The following ATXN1 variants were observed in gnomAD, a reference collection of about 807,000 sequenced individuals.
ATXN1 encodes the protein ataxin-1.
A neutral mutation model predicts 56.4 loss-of-function variants in ATXN1; 8 were observed. The observed-to-expected ratio is 0.14, with a 90% CI of 0.08 to 0.26. The LOEUF is 0.26. ATXN1 is among the 10% of genes least tolerant of loss of function. ATXN1 has a pLI of 1.00. For synonymous variants in ATXN1, 514 were observed against 494.6 expected (o/e 1.04, Z -0.52); for missense variants, 987 against 1,106.5 (o/e 0.89, Z 1.53).
chr6:16,684,055 G>C (rs1314275446), intron 2 of ATXN1, among the ~76,000 whole-genome samples: 6 of 152,126 alleles, frequency 3.9e-5, no homozygotes, highest in African/African-American at 1.4e-4. Context: ...AACAAATCCA[G>C]CCCATGATCA....
At chr6:16,701,543 T>C (rs763862853) in intron 2 of ATXN1, among the ~76,000 whole-genome samples, 12 of 152,224 alleles carry the variant, frequency 7.9e-5, no homozygotes, top group Non-Finnish European at 1.0e-4. Context: ...GGAAGTCAAA[T>C]TGTCCCTGTT....
rs1760840663 is a variant in ATXN1, at chr6:16,327,399, C to T, written c.912G>A (p.Glu304=). 1 of 1,613,706 alleles carries T rather than the reference C, an allele frequency of 6.2e-7. No homozygotes were observed. Among genetic ancestry groups the T allele is most frequent in the Non-Finnish European group, 8.5e-7 (1 of 1,179,982 alleles). ...GGCTGCTCTCAGCTTTCTTGGTGGC[C>T]TCCCGAGGGACAAAGTGGCTGCCGG... ...ADSGSHFVPR[E]ATKKAESSRL... The change falls in exon 7 of 8, where the codon GAG becomes GAA. Residue 304 remains glutamate (E), a synonymous_variant. Coordinates refer to ENST00000436367, the MANE Select transcript of ATXN1 (RefSeq NM_001128164.2).
intron 6 of ATXN1, among the ~76,000 whole-genome samples, chr6:16,402,204 T>C (rs1758587853): frequency 6.7e-6 from 1 of 148,412 alleles, no homozygotes; most frequent in Non-Finnish European, 1.5e-5. Flanking sequence ...TTGATCTATA[T>C]GGCTGGAAAA....
chr6:16,433,786 A>C (rs185060438), intron 6 of ATXN1, among the ~76,000 whole-genome samples: 1 of 152,248 alleles, frequency 6.6e-6, no homozygotes, highest in African/African-American at 2.4e-5. Flanking sequence ...CCAGAGTGAC[A>C]GTCTGCAGAC....
rs921574333 is a variant in ATXN1 at position 16,384,880 on chromosome 6, T to C, written c.-160-56410A>G. Reference sequence around the variant, plus strand: ...TTACACATTATCCAGTCTCAGGTAGTTCTCATAGCAATGTGAGAAGAGACT... The same window carrying C: ...TTACACATTATCCAGTCTCAGGTAGCTCTCATAGCAATGTGAGAAGAGACT... On this transcript the variant is annotated intron_variant, in intron 6 of 7. Transcript: ENST00000436367. 7.2e-5 allele frequency among the ~76,000 whole-genome samples: 11 copies of C among 152,236 alleles called. 1 individual carries two copies. Among genetic ancestry groups the C allele is most frequent in the Admixed American group, 6.5e-4 (10 of 15,284 alleles).
intron 6 of ATXN1, among the ~76,000 whole-genome samples, chr6:16,390,572 T>C (rs1581731048): frequency 1.3e-5 from 2 of 152,124 alleles, no homozygotes; most frequent in East Asian, 3.9e-4. Flanking sequence ...CTACCTCCAT[T>C]TGGCTTATCT....
chr6:16,564,006 G>A (rs925633131), intron 4 of ATXN1, among the ~76,000 whole-genome samples: 1 of 152,164 alleles, frequency 6.6e-6, no homozygotes, highest in African/African-American at 2.4e-5. Flanking sequence ...TCATGAGGGA[G>A]TCAACAGACA....
intron 6 of ATXN1, among the ~76,000 whole-genome samples, chr6:16,365,471 G>A (rs555279276): frequency 2.6e-4 from 40 of 152,292 alleles, no homozygotes; most frequent in Admixed American, 6.5e-4. Flanking sequence ...GAGCCACTGC[G>A]CCTGGCCGAA....
chr6:16,697,442 ACT>A, intron 2 of ATXN1, among the ~76,000 whole-genome samples: 1 of 149,200 alleles, frequency 6.7e-6, no homozygotes, highest in East Asian at 2.0e-4. Context: ...TTTTAACAGC[ACT>A]CTTTTTTTTT....
intron 4 of ATXN1, among the ~76,000 whole-genome samples, chr6:16,571,036 G>C (rs1762322914): frequency 6.6e-6 from 1 of 152,088 alleles, no homozygotes; most frequent in Non-Finnish European, 1.5e-5. Context: ...AATCCTTATG[G>C]AGCTCTGTTG....
At chr6:16,606,585 G>T (rs1048550461) in intron 3 of ATXN1, among the ~76,000 whole-genome samples, 8 of 151,546 alleles carry the variant, frequency 5.3e-5, no homozygotes, top group Admixed American at 2.0e-4. Context: ...CTGGAGTCCG[G>T]TGGTGCGATC....
intron 3 of ATXN1, among the ~76,000 whole-genome samples, chr6:16,639,195 C>T (rs1368160658): frequency 6.6e-6 from 1 of 152,294 alleles, no homozygotes; most frequent in African/African-American, 2.4e-5. Flanking sequence ...GCAGAGACAA[C>T]CCGCTCGGGT....
At chr6:16,597,461 CAG>C (rs1296990384) in intron 3 of ATXN1, among the ~76,000 whole-genome samples, 2 of 140,664 alleles carry the variant, frequency 1.4e-5, no homozygotes, top group Non-Finnish European at 3.1e-5. Flanking sequence ...TTTTTTGAGA[CAG>C]AGTCTTGCTC....
intron 3 of ATXN1, among the ~76,000 whole-genome samples, chr6:16,635,477 G>C (rs576753527): frequency 5.9e-5 from 9 of 152,174 alleles, no homozygotes; most frequent in Non-Finnish European, 1.0e-4. Context: ...CTGGTCTAGA[G>C]AGAAGGAGCT....
intron 6 of ATXN1, among the ~76,000 whole-genome samples, chr6:16,477,181 C>T (rs1431064372): frequency 2.0e-5 from 3 of 152,222 alleles, no homozygotes; most frequent in African/African-American, 2.4e-5. Context: ...CAGGGCCACA[C>T]AGACGAAGCA....
intron 2 of ATXN1, among the ~76,000 whole-genome samples, chr6:16,676,459 CT>C (rs1482858209): frequency 6.6e-6 from 1 of 152,170 alleles, no homozygotes; most frequent in Non-Finnish European, 1.5e-5. Flanking sequence ...TTCATACATC[CT>C]TTTAAATGTT....
chr6:16,610,631 T>G (rs996461664), intron 3 of ATXN1, among the ~76,000 whole-genome samples: 1 of 151,960 alleles, frequency 6.6e-6, no homozygotes, highest in African/African-American at 2.4e-5. Flanking sequence ...AAAAACACAA[T>G]GTATTTCATA....
chr6:16,650,326 GA>G (rs1422581500), intron 3 of ATXN1, among the ~76,000 whole-genome samples: 1 of 152,184 alleles, frequency 6.6e-6, no homozygotes, highest in Non-Finnish European at 1.5e-5. Context: ...GCCATGCAGT[GA>G]AATTCACATT....
At chr6:16,361,815 A>C (rs543342618) in intron 6 of ATXN1, among the ~76,000 whole-genome samples, 1 of 152,328 alleles carries the variant, frequency 6.6e-6, no homozygotes, top group East Asian at 1.9e-4. Context: ...CTGTGAGGCC[A>C]GCCTTGACTG....
Sources: gnomAD v4.1 joint callset for allele counts (sites outside exome capture counted in the v4.1 genomes callset) on GRCh38, gnomAD v4.1.1 for gene constraint, MANE v1.5 for transcripts, NCBI Gene and HGNC (gene_info 2026-07-23, HGNC 2026-07-21) for gene names.